EXOC1: variants seen among roughly 807,000 people sequenced by gnomAD.
EXOC1 encodes the protein SEC3-like 1.
EXOC1 carries 67 observed loss-of-function variants against 107.7 expected under a neutral mutation model. That is an observed-to-expected ratio of 0.62 (90% CI 0.51 to 0.76). The LOEUF (loss-of-function observed/expected upper bound fraction) is 0.76, where lower values mean the gene tolerates loss of function less well. Among genes scored for constraint, EXOC1 ranks in the 30% least tolerant of loss-of-function variants. The probability of loss-of-function intolerance (pLI) is 0.00; values close to 1 mark genes in which losing one functional copy is unlikely to be tolerated. For missense variants in EXOC1, 833 were observed against 1,055.7 expected (o/e 0.79, Z 2.92); for synonymous variants, 348 against 353.5 (o/e 0.98, Z 0.17).
At chr4:55,883,197 G>A (rs960003049) in intron 9 of EXOC1, 15 of 152,076 alleles carry the variant, frequency 9.9e-5, no homozygotes, top group Non-Finnish European at 1.5e-4. Flanking sequence ...TCCCAAGCTG[G>A]CAGAGGCTCA....
intron 3 of EXOC1, among the ~76,000 whole-genome samples, chr4:55,862,844 G>A (rs942215839): frequency 3.9e-5 from 6 of 152,060 alleles, no homozygotes; most frequent in African/African-American, 1.4e-4. Flanking sequence ...GAATATTTGA[G>A]CCTATTTTTT....
intron 11 of EXOC1, 135 bp downstream of exon 11, chr4:55,889,067 A>G: frequency 1.3e-6 from 1 of 762,674 alleles, no homozygotes; most frequent in Non-Finnish European, 2.3e-6. Flanking sequence ...AAAGAAAGCC[A>G]ACATGATGGT....
At position 55,864,462 on chromosome 4, in the gene EXOC1, T is replaced by C; in HGVS notation, c.415+76T>C. On this transcript the variant is annotated intron_variant, in intron 4 of 18. Transcript: ENST00000381295. ...ATATATAATTTGACATCATTCAAATTAATTAGAATACTGAATTATCTTATC... is the reference window on the plus strand; with the variant it reads ...ATATATAATTTGACATCATTCAAATCAATTAGAATACTGAATTATCTTATC... The C allele has an allele frequency of 3.3e-6, 4 of 1,220,656 alleles. No individual in the cohort carries two copies. The South Asian group carries it at 5.9e-5, about 18-fold the overall frequency. The allele number at this position is 1,220,656 out of a possible 1,614,324, so 75.6% of individuals were successfully genotyped here.
At chr4:55,855,155 A>T (rs1388672821) in intron 1 of EXOC1, among the ~76,000 whole-genome samples, 1 of 152,336 alleles carries the variant, frequency 6.6e-6, no homozygotes, top group East Asian at 1.9e-4. Context: ...ACGTTGAGTA[A>T]AAGCGTGATG....
intron 1 of EXOC1, among the ~76,000 whole-genome samples, chr4:55,857,013 T>C (rs993511513): frequency 1.3e-5 from 2 of 152,074 alleles, no homozygotes; most frequent in Non-Finnish European, 2.9e-5. Flanking sequence ...AAACCACTTA[T>C]ATTTCTGTAT....
intron 3 of EXOC1, 116 bp downstream of exon 3, chr4:55,860,657 AT>A: frequency 3.0e-6 from 4 of 1,323,884 alleles, no homozygotes; most frequent in Non-Finnish European, 4.0e-6. Flanking sequence ...TTGTTTTCTT[AT>A]TTTTTTGCTT....
chr4:55,858,593 AG>A, intron 2 of EXOC1, 146 bp downstream of exon 2: 1 of 802,478 alleles, frequency 1.2e-6, no homozygotes, highest in Non-Finnish European at 1.8e-6. Flanking sequence ...TGGCTTTGAC[AG>A]GCTGTTAATT....
intron 3 of EXOC1, 114 bp downstream of exon 3, chr4:55,860,655 T>G: frequency 7.5e-7 from 1 of 1,330,640 alleles, no homozygotes; most frequent in Non-Finnish European, 1.0e-6. Context: ...GTTTGTTTTC[T>G]TATTTTTTTG....
intron 8 of EXOC1, chr4:55,876,367 C>A (rs1560342502): frequency 1.1e-6 from 1 of 927,460 alleles, no homozygotes; most frequent in Non-Finnish European, 1.3e-6. Context: ...TAGAATGTTT[C>A]AGATTTTAGA....
chr4:55,899,019 T>C (rs1725576937), intron 16 of EXOC1, among the ~76,000 whole-genome samples: 1 of 152,200 alleles, frequency 6.6e-6, no homozygotes, highest in African/African-American at 2.4e-5. Context: ...CTATGAGCAG[T>C]TGCATTACAG....
rs773550456 is a variant in EXOC1, at chr4:55,868,343, T to C, written c.423T>C (p.Val141=). 6.2e-7 allele frequency: 1 copy of C among 1,611,616 alleles called. No individual in the cohort carries two copies. ...AATTTTTACCTCTTTAAGAATCTGT[T>C]CCAAGTGGAGAAAATCAGAGTGTGA... The part of the protein sequence containing the change: ...NVSSQLLEES[V]PSGENQSVTG... Residue 141 remains valine, a synonymous_variant, in exon 5 of 19, where the codon GTT becomes GTC. Transcript: ENST00000381295.
intron 16 of EXOC1, among the ~76,000 whole-genome samples, chr4:55,898,477 ATTG>A (rs2109497075): frequency 7.0e-6 from 1 of 143,802 alleles, no homozygotes; most frequent in South Asian, 2.2e-4. Context: ...ATTATTTAGC[ATTG>A]TTATTGAAGT....
At chr4:55,857,341 G>T (rs1204464541) in intron 1 of EXOC1, among the ~76,000 whole-genome samples, 1 of 151,088 alleles carries the variant, frequency 6.6e-6, no homozygotes, top group Non-Finnish European at 1.5e-5. Context: ...CACCATGCCC[G>T]GCTAATTTTT....
chr4:55,876,288 C>T, intron 8 of EXOC1: 2 of 985,332 alleles, frequency 2.0e-6, no homozygotes, highest in Non-Finnish European at 2.4e-6. Flanking sequence ...TTCAGGTAGC[C>T]ACCCAGAAAA....
intron 9 of EXOC1, 96 bp downstream of exon 9, chr4:55,878,162 G>A (rs1723069233): frequency 1.5e-6 from 2 of 1,361,760 alleles, no homozygotes; most frequent in Non-Finnish European, 2.0e-6. Flanking sequence ...AAATACTGTA[G>A]TACATTCTTA....
rs1726394060 is a variant in EXOC1, at chr4:55,904,480, T to C, written c.2670T>C (p.Ile890=). Residue 890 remains isoleucine, a synonymous_variant, in exon 19 of 19, where the codon ATT becomes ATC. Coordinates refer to ENST00000381295, the MANE Select transcript of EXOC1 (RefSeq NM_001024924.2). Reference sequence around the variant, plus strand: ...ACATTCTGGATTATTGTTCCAGCATTGCACAGTCCCACTAAACCTTGTGAA... The same window carrying C: ...ACATTCTGGATTATTGTTCCAGCATCGCACAGTCCCACTAAACCTTGTGAA... The part of the protein sequence containing the change: ...IQDILDYCSS[I]AQSH The C allele has an allele frequency of 6.2e-7, 1 of 1,611,728 alleles. No individual in the cohort carries two copies. The highest frequency in any genetic ancestry group is 1.3e-5 in the African/African-American group (1 of 74,646).
chr4:55,881,442 A>G (rs1037296979), intron 9 of EXOC1, among the ~76,000 whole-genome samples: 9 of 152,142 alleles, frequency 5.9e-5, no homozygotes, highest in African/African-American at 2.2e-4. Flanking sequence ...TCAATTTAGG[A>G]AGTTTATTTT....
intron 5 of EXOC1, among the ~76,000 whole-genome samples, chr4:55,870,078 A>G (rs1464372484): frequency 6.6e-6 from 1 of 152,076 alleles, no homozygotes; most frequent in East Asian, 1.9e-4. Flanking sequence ...AACAGTTGAA[A>G]GAGAAAAGAA....
chr4:55,870,607 C>A, intron 5 of EXOC1, 71 bp from the exon 6 acceptor site: 1 of 1,421,196 alleles, frequency 7.0e-7, no homozygotes, highest in Non-Finnish European at 9.8e-7. Context: ...TTCTTTTACA[C>A]ATCTAAATAA....
Sources: gnomAD v4.1 joint callset for allele counts (sites outside exome capture counted in the v4.1 genomes callset) on GRCh38, gnomAD v4.1.1 for gene constraint, MANE v1.5 for transcripts, NCBI Gene and HGNC (gene_info 2026-07-23, HGNC 2026-07-21) for gene names.